The following SDK1 variants were observed in gnomAD, a reference collection of about 807,000 sequenced individuals.
The protein encoded by SDK1 is protein sidekick-1.
SDK1 carries 157 observed loss-of-function variants against 245.5 expected under a neutral mutation model. The ratio of observed to expected loss-of-function variants is 0.64; its 90% confidence interval spans 0.56 to 0.73. SDK1 has a LOEUF of 0.73. Ranked by LOEUF, SDK1 falls within the 30% of genes least tolerant of loss-of-function variation. The pLI is 0.00. For missense variants in SDK1, 3,583 were observed against 3,002.3 expected (o/e 1.19, Z -4.52); for synonymous variants, 1,647 against 1,278.5 (o/e 1.29, Z -6.15).
chr7:3,972,326 G>A (rs929410061), intron 12 of SDK1, among the ~76,000 whole-genome samples: 1 of 152,134 alleles, frequency 6.6e-6, no homozygotes, highest in Non-Finnish European at 1.5e-5. Flanking sequence ...TGATCCACCT[G>A]TCTCGGCCTC....
At chr7:3,770,372 A>G (rs1376198460) in intron 4 of SDK1, among the ~76,000 whole-genome samples, 2 of 152,180 alleles carry the variant, frequency 1.3e-5, no homozygotes, top group Non-Finnish European at 2.9e-5. Context: ...CTATTGAAGG[A>G]CACCTGGGAT....
chr7:3,688,243 C>T (rs954716725), intron 4 of SDK1, among the ~76,000 whole-genome samples: 1 of 152,184 alleles, frequency 6.6e-6, no homozygotes, highest in Non-Finnish European at 1.5e-5. Context: ...GTCTGAAGTC[C>T]TGGAGAGCAA....
intron 1 of SDK1, among the ~76,000 whole-genome samples, chr7:3,585,216 A>G (rs1323909490): frequency 2.0e-5 from 3 of 152,228 alleles, no homozygotes; most frequent in Admixed American, 2.0e-4. Flanking sequence ...GGTGTTTCAC[A>G]GACTCACTTT....
chr7:4,265,206 C>T lies in SDK1; in HGVS notation c.6464C>T (p.Ser2155Leu). 1.2e-6 allele frequency: 2 copies of T among 1,611,278 alleles called. No individual in the cohort carries two copies. The highest frequency in any genetic ancestry group is 1.7e-6 in the Non-Finnish European group (2 of 1,179,596). ...ATGAGCGACCCCACCTACTACAACTCATGGAAGCGCAGGGCCCAGGGCCGC... is the reference window on the plus strand; with the variant it reads ...ATGAGCGACCCCACCTACTACAACTTATGGAAGCGCAGGGCCCAGGGCCGC... Reference protein sequence around the residue: ...HYMSDPTYYNSWKRRAQGRAP... With the variant: ...HYMSDPTYYNLWKRRAQGRAP... Residue 2155 changes from serine (S) to leucine (L), a missense_variant, in exon 45 of 45, where the codon TCA (serine) becomes TTA (leucine). Coordinates refer to ENST00000404826, the MANE Select transcript of SDK1 (RefSeq NM_152744.4).
intron 1 of SDK1, among the ~76,000 whole-genome samples, chr7:3,416,579 C>A (rs1468213013): frequency 3.3e-5 from 5 of 151,576 alleles, no homozygotes; most frequent in Admixed American, 1.3e-4. Flanking sequence ...GGAGGTGTTC[C>A]CCTGGCAGGC....
At chr7:3,764,065 C>T (rs1780181743) in intron 4 of SDK1, among the ~76,000 whole-genome samples, 1 of 152,064 alleles carries the variant, frequency 6.6e-6, no homozygotes, top group African/African-American at 2.4e-5. Context: ...GTCTGGAAAC[C>T]CTTCAGGGGA....
intron 22 of SDK1, among the ~76,000 whole-genome samples, chr7:4,104,894 A>G (rs767734886): frequency 6.6e-5 from 10 of 151,014 alleles, no homozygotes; most frequent in Non-Finnish European, 1.0e-4. Flanking sequence ...TTTTGTAGAG[A>G]TGGGGTCTCC....
intron 26 of SDK1, among the ~76,000 whole-genome samples, chr7:4,129,200 G>C (rs1312892579): frequency 6.9e-6 from 1 of 145,262 alleles, no homozygotes. Context: ...CCCTGGAATA[G>C]AGCAGCTCGG....
At chr7:3,914,214 A>G (rs57810266) in intron 5 of SDK1, among the ~76,000 whole-genome samples, 3,443 of 152,298 alleles carry the variant, frequency 0.023, 126 homozygotes, top group African/African-American at 0.078. Context: ...TGCTGCTGCA[A>G]TATGCTTGTC....
intron 4 of SDK1, among the ~76,000 whole-genome samples, chr7:3,781,837 G>A (rs1454415406): frequency 6.6e-6 from 1 of 152,058 alleles, no homozygotes; most frequent in Non-Finnish European, 1.5e-5. Flanking sequence ...TTAGTGATCT[G>A]GAAGACAGAA....
At chr7:4,178,003 G>T (rs865999360) in intron 34 of SDK1, among the ~76,000 whole-genome samples, 1 of 149,832 alleles carries the variant, frequency 6.7e-6, no homozygotes, top group African/African-American at 2.4e-5. Context: ...CCTCGCACGC[G>T]CAGTTCCCAA....
At chr7:3,370,371 C>T (rs902509928) in intron 1 of SDK1, among the ~76,000 whole-genome samples, 2 of 152,292 alleles carry the variant, frequency 1.3e-5, no homozygotes, top group African/African-American at 4.8e-5. Flanking sequence ...CAATTGCAGT[C>T]AGTTGTTCTT....
rs73303062 is a variant in SDK1 at position 3,530,028 on chromosome 7, G to C, written c.299-89052G>C. Among the ~76,000 whole-genome samples, 1,300 of 152,158 alleles carry C rather than the reference G, an allele frequency of 8.5e-3. 23 individuals carry two copies. Among genetic ancestry groups the C allele is most frequent in the African/African-American group, 0.029 (1,221 of 41,474 alleles). ...GTATTTAAGAGTATTCCTTAGAATA[G>C]AGTTCTAAGAATGTAGTAACTAGAT... On this transcript the variant is annotated intron_variant, in intron 1 of 44. Coordinates refer to ENST00000404826, the MANE Select transcript of SDK1 (RefSeq NM_152744.4).
chr7:4,190,170 A>G (rs1283074850), intron 35 of SDK1, among the ~76,000 whole-genome samples: 2 of 152,204 alleles, frequency 1.3e-5, no homozygotes, highest in Non-Finnish European at 2.9e-5. Flanking sequence ...CCCCGACTCC[A>G]CAGGCTGCAC....
intron 4 of SDK1, among the ~76,000 whole-genome samples, chr7:3,756,539 A>G (rs1272431884): frequency 6.6e-6 from 1 of 150,390 alleles, no homozygotes; most frequent in Middle Eastern, 3.2e-3. Context: ...TGTCAATAGC[A>G]TCACTAGTTT....
rs145143455 is a variant in SDK1 at position 3,515,889 on chromosome 7, C to A, written c.299-103191C>A. Among the ~76,000 whole-genome samples the A allele has an allele frequency of 3.5e-4, 53 of 152,160 alleles. No individual in the cohort carries two copies. In the East Asian group the frequency reaches 9.3e-3, roughly 27 times the overall value. ...ATATTCTTCACTAATGAAAAATATT[C>A]TTCACTATGTGGAAGAGATTTAGCT... On this transcript the variant is annotated intron_variant, in intron 1 of 44. Coordinates refer to ENST00000404826, the MANE Select transcript of SDK1 (RefSeq NM_152744.4).
chr7:3,961,189 A>G (rs1389870415), intron 8 of SDK1, among the ~76,000 whole-genome samples: 1 of 152,250 alleles, frequency 6.6e-6, no homozygotes, highest in African/African-American at 2.4e-5. Context: ...GTGAAACTAT[A>G]GCAGCATGCG....
intron 1 of SDK1, among the ~76,000 whole-genome samples, chr7:3,616,275 C>G (rs1781768411): frequency 6.6e-6 from 1 of 152,160 alleles, no homozygotes. Context: ...GGTGATCACA[C>G]ACGTTGTTAA....
At chr7:3,520,887 G>A (rs1328008474) in intron 1 of SDK1, among the ~76,000 whole-genome samples, 1 of 152,122 alleles carries the variant, frequency 6.6e-6, no homozygotes, top group Non-Finnish European at 1.5e-5. Context: ...ACCACAAATT[G>A]ACCAGTTTAA....
Sources: allele counts gnomAD v4.1 joint callset (sites outside exome capture counted in the v4.1 genomes callset), GRCh38; gene constraint gnomAD v4.1.1; transcripts MANE v1.5; gene names NCBI Gene and HGNC (gene_info 2026-07-23, HGNC 2026-07-21).